RYR1: variants seen among roughly 807,000 people sequenced by gnomAD.
RYR1 encodes the protein central core disease of muscle.
RYR1 carries 342 observed loss-of-function variants against 583.5 expected under a neutral mutation model. The ratio of observed to expected loss-of-function variants is 0.59; its 90% CI spans 0.54 to 0.64. RYR1 has a LOEUF of 0.64. RYR1 is among the 30% of genes least tolerant of loss of function. The pLI is 0.00. For missense variants in RYR1, 6,032 were observed against 6,917.2 expected, an observed-to-expected ratio of 0.87 and a Z score of 4.54; for synonymous variants, 2,791 against 2,822.5, an observed-to-expected ratio of 0.99 and a Z score of 0.35.
At chr19:38,468,351 G>A (rs543334721) in intron 25 of RYR1, among the ~76,000 whole-genome samples, 2 of 150,140 alleles carry the variant, frequency 1.3e-5, no homozygotes, top group Non-Finnish European at 3.0e-5. Context: ...CATTCTTCCA[G>A]CCAACTGTCC....
At chr19:38,575,645 A>G (rs1973922882) in intron 96 of RYR1, among the ~76,000 whole-genome samples, 1 of 152,108 alleles carries the variant, frequency 6.6e-6, no homozygotes, top group Non-Finnish European at 1.5e-5. Flanking sequence ...TCTACTAAAA[A>G]TACGAAAATT....
At chr19:38,532,879 C>T in intron 78 of RYR1, 143 bp downstream of exon 78, 2 of 792,646 alleles carry the variant, frequency 2.5e-6, no homozygotes, top group Non-Finnish European at 4.2e-6. Flanking sequence ...GACAGATACA[C>T]CCGCCAAACT....
At chr19:38,575,865 G>C (rs529124929) in intron 96 of RYR1, 54 bp from the exon 97 acceptor site, 2 of 1,595,400 alleles carry the variant, frequency 1.3e-6, no homozygotes, top group Non-Finnish European at 1.7e-6. Context: ...TGACAGCTCT[G>C]ATCCCTCTGG....
Position 38,570,636 on chromosome 19 carries a change from G to T in RYR1, c.13689G>T (p.Leu4563=), listed in dbSNP as rs1182020680. The change falls in exon 94 of 106, where the codon CTG becomes CTT. Residue 4563 remains leucine (L), a synonymous_variant. Coordinates refer to ENST00000359596, the MANE Select transcript of RYR1 (RefSeq NM_000540.3). ...ACCTGTCCCGGAACTTTTACACCCT[G>T]CGGTTCCTTGCCCTCTTCTTGGCAT... ...LNYLSRNFYT[L]RFLALFLAFA... 1 of 1,614,024 alleles carries T rather than the reference G, an allele frequency of 6.2e-7. No homozygotes were observed. The highest frequency in any genetic ancestry group is 1.1e-5 in the South Asian group (1 of 91,078).
In RYR1 at chr19:38,548,287, C is replaced by T; in HGVS notation, c.12149C>T (p.Ser4050Phe). ...ARQMVDMLVE[S>F]SSNVEMILKF... is the part of the protein sequence containing the mutation. ...CAGATGGTGGACATGCTCGTGGAATCCTCATCCAATGTGGAGATGATCCTC... is the reference window on the plus strand; with the variant it reads ...CAGATGGTGGACATGCTCGTGGAATTCTCATCCAATGTGGAGATGATCCTC... Residue 4050 changes from serine (S) to phenylalanine (F), a missense_variant, in exon 89 of 106, where the codon TCC becomes TTC. Transcript: ENST00000359596. 1 of 1,614,206 alleles carries T rather than the reference C, an allele frequency of 6.2e-7. No individual in the cohort carries two copies.
chr19:38,486,971 A>G lies in RYR1; in HGVS notation c.5547+769A>G, dbSNP rs191702466. 1.9e-3 allele frequency among the ~76,000 whole-genome samples: 282 copies of G among 152,190 alleles called. 1 individual carries two copies. Among genetic ancestry groups the G allele is most frequent in the African/African-American group, 6.4e-3 (265 of 41,514 alleles). ...TACCCATCTATCCAAGTTTCAATCT[A>G]TTTGCCCATCCATCTTTTCATTCAT... On this transcript the variant is annotated intron_variant, in intron 34 of 105. Coordinates refer to ENST00000359596, the MANE Select transcript of RYR1 (RefSeq NM_000540.3).
At chr19:38,474,125 T>C (rs1392807760) in intron 28 of RYR1, among the ~76,000 whole-genome samples, 1 of 152,232 alleles carries the variant, frequency 6.6e-6, no homozygotes, top group Non-Finnish European at 1.5e-5. Context: ...CAGTAAGGTA[T>C]CCCAGTGAAT....
intron 24 of RYR1, among the ~76,000 whole-genome samples, chr19:38,466,743 C>T (rs924535196): frequency 2.0e-5 from 3 of 152,168 alleles, no homozygotes; most frequent in African/African-American, 4.8e-5. Context: ...CCTCGTGATC[C>T]GCCTGCCTCG....
At chr19:38,506,738 A>C in intron 56 of RYR1, 91 bp from the exon 57 acceptor site, 3 of 1,588,390 alleles carry the variant, frequency 1.9e-6, no homozygotes, top group Non-Finnish European at 2.6e-6. Flanking sequence ...TTATCACCAT[A>C]ATTACGCATG....
At position 38,473,557 on chromosome 19, in the gene RYR1, C is replaced by A. The variant is rs200894780; in HGVS notation, c.3946C>A (p.Pro1316Thr). Reference protein sequence around the residue: ...ATPLAPPGLQPPAEDEARAAE... With the variant: ...ATPLAPPGLQTPAEDEARAAE... ...CCCGCTGGCACCTCCTGGCCTGCAG[C>A]CCCCCGCCGAGGACGAGGCCCGGGC... Residue 1316 changes from proline to threonine, a missense_variant, in exon 28 of 106, where the codon CCC (proline) becomes ACC (threonine). Physicochemically the swap from Pro to Thr is conservative, Grantham distance 38 (BLOSUM62 -1). Coordinates refer to ENST00000359596, the MANE Select transcript of RYR1 (RefSeq NM_000540.3). 1,833 of 1,599,518 alleles carry A rather than the reference C, an allele frequency of 1.1e-3. 26 individuals are homozygous for A. The highest frequency in any genetic ancestry group is 8.3e-5 in the Non-Finnish European group (98 of 1,174,112).
chr19:38,565,618 G>C lies in RYR1; in HGVS notation c.13284G>C (p.Glu4428Asp). 7.1e-7 allele frequency: 1 copy of C among 1,414,664 alleles called. No homozygotes were observed. Among genetic ancestry groups the C allele is most frequent in the Non-Finnish European group, 9.1e-7 (1 of 1,094,594 alleles). 87.6% of individuals were successfully genotyped at this position (1,414,664 alleles called of 1,614,324 possible). Residue 4428 changes from glutamate (E) to aspartate (D), a missense_variant, in exon 91 of 106, where the codon GAG (glutamate) becomes GAC (aspartate). Glu to Asp is a conservative substitution (Grantham distance 45, BLOSUM62 2). Transcript: ENST00000359596. This position sits in a 1 kb window ranked among gnomAD's most constrained non-coding sequence, Gnocchi z 4.7. ...GAGACGAGGAGGAGGCGGTGCACGA[G>C]GCCGGGCCGGGCGGTGCCGACGGGG... ...GAGDEEEAVH[E>D]AGPGGADGAV...
intron 101 of RYR1, 101 bp from the exon 102 acceptor site, chr19:38,584,842 C>G (rs1162057801): frequency 4.2e-6 from 6 of 1,424,848 alleles, no homozygotes; most frequent in Non-Finnish European, 5.9e-6. Context: ...CCAGGGCTGT[C>G]TCAGTCGTTA....
rs2145922088 is a variant in RYR1, at chr19:38,587,366, T to C, written c.15063T>C (p.Asp5021=). Residue 5021 remains aspartate, a synonymous_variant, in exon 106 of 106, where the codon GAT becomes GAC. Transcript: ENST00000359596. Reference sequence around the variant, plus strand: ...AGATGTACCAAGAGAGATGTTGGGATTTCTTCCCAGCTGGTGATTGTTTCC... The same window carrying C: ...AGATGTACCAAGAGAGATGTTGGGACTTCTTCCCAGCTGGTGATTGTTTCC... The part of the protein sequence containing the change: ...VWKMYQERCW[D]FFPAGDCFRK... The C allele has an allele frequency of 6.2e-7, 1 of 1,613,994 alleles. No homozygotes were observed. Among genetic ancestry groups the C allele is most frequent in the Non-Finnish European group, 8.5e-7 (1 of 1,179,988 alleles).
intron 64 of RYR1, 36 bp downstream of exon 64, chr19:38,515,143 G>T: frequency 7.1e-7 from 1 of 1,413,774 alleles, no homozygotes; most frequent in Non-Finnish European, 1.0e-6. Context: ...GGCTGGGTGG[G>T]GCTGGAGGGG....
intron 11 of RYR1, among the ~76,000 whole-genome samples, chr19:38,451,444 G>A (rs1967070352): frequency 6.6e-6 from 1 of 152,108 alleles, no homozygotes; most frequent in Non-Finnish European, 1.5e-5. Context: ...GGTGGAAAGG[G>A]TCTGGCCTGG....
In RYR1 at chr19:38,499,109, T is replaced by G; in HGVS notation, c.6893T>G (p.Val2298Gly). ...TGACTGAGCCCCTTCTGCCCCCAGG[T>G]TGTGTCCTACCTGGCAGGCTGTGGC... The part of the protein sequence containing the change: ...LALQEQDLEK[V>G]VSYLAGCGLQ... Residue 2298 changes from valine (V) to glycine (G), a missense_variant and splice_region_variant, in exon 43 of 106, where the codon GTT (valine) becomes GGT (glycine). By Grantham distance (109) the Val-to-Gly change is moderately radical (BLOSUM62 -3). This residue lies in a region of RYR1 where 2,627 missense variants were observed against 2,961.3 expected (regional missense o/e 0.89). Transcript: ENST00000359596. The surrounding 1 kb of genome is among the most constrained non-coding windows in gnomAD (Gnocchi z 7.3). 2 of 1,614,002 alleles carry G rather than the reference T, an allele frequency of 1.2e-6. No homozygotes were observed. The highest frequency in any genetic ancestry group is 1.7e-4 in the Middle Eastern group (1 of 6,032).
In RYR1 at chr19:38,516,056, C is replaced by T. The variant is rs376800501; in HGVS notation, c.9555-31C>T. The T allele has an allele frequency of 5.2e-4, 809 of 1,541,254 alleles. No individual in the cohort carries two copies. Among genetic ancestry groups the T allele is most frequent in the Non-Finnish European group, 6.9e-4 (782 of 1,140,806 alleles). On this transcript the variant is annotated intron_variant, in intron 64 of 105. Transcript: ENST00000359596. Reference sequence around the variant, plus strand: ...ACCCAGGACCCCAAAGAGGGGGACACGTGGCAGCTAAACACAGCCCCGTCT... The same window carrying T: ...ACCCAGGACCCCAAAGAGGGGGACATGTGGCAGCTAAACACAGCCCCGTCT...
In RYR1 at chr19:38,528,400, C is replaced by T; in HGVS notation, c.10919C>T (p.Pro3640Leu). Reference sequence around the variant, plus strand: ...GTCGTGGCCTGTTTCCGTATGACGCCCCTGTACAACCTGCCCACGTAAGGC... The same window carrying T: ...GTCGTGGCCTGTTTCCGTATGACGCTCCTGTACAACCTGCCCACGTAAGGC... ...RAVVACFRMTPLYNLPTHRAC... is the reference protein window; with the variant it reads ...RAVVACFRMTLLYNLPTHRAC... The change falls in exon 74 of 106, where the codon CCC (proline) becomes CTC (leucine). Residue 3640 changes from proline to leucine, a missense_variant. Pro to Leu is a moderately conservative substitution (Grantham distance 98, BLOSUM62 -3). Transcript: ENST00000359596. The T allele has an allele frequency of 6.2e-7, 1 of 1,614,110 alleles. No individual in the cohort carries two copies. Among genetic ancestry groups the T allele is most frequent in the Non-Finnish European group, 8.5e-7 (1 of 1,180,010 alleles).
rs1433415219 is a variant in RYR1, at chr19:38,537,865, C to T, written c.11609-15C>T. The T allele has an allele frequency of 8.7e-6, 14 of 1,613,516 alleles. No homozygotes were observed. In the Admixed American group the frequency reaches 1.5e-4, roughly 17 times the overall value. On this transcript the variant is annotated splice_polypyrimidine_tract_variant and intron_variant, in intron 83 of 105. Transcript: ENST00000359596. ...TCTGACCCCTCCTGGGCCCTGTCCC[C>T]TCCCTTCCACCTAGGAGAGAAGGTC...
Sources: allele counts gnomAD v4.1 joint callset (sites outside exome capture counted in the v4.1 genomes callset), GRCh38; gene constraint gnomAD v4.1.1; regional missense constraint gnomAD v4.1.1; non-coding constraint Gnocchi (gnomAD v3.1); transcripts MANE v1.5; gene names NCBI Gene and HGNC (gene_info 2026-07-23, HGNC 2026-07-21).